CPEB3: variants seen among roughly 807,000 people sequenced by gnomAD.
CPEB3 encodes cytoplasmic polyadenylation element-binding protein 3.
A neutral mutation model predicts 67.2 loss-of-function variants in CPEB3; 20 were observed. The observed-to-expected ratio is 0.30, with a 90% CI of 0.21 to 0.43. CPEB3 has a LOEUF of 0.43. Among genes scored for constraint, CPEB3 ranks in the 20% least tolerant of loss-of-function variants. CPEB3 has a pLI of 1.00. For synonymous variants in CPEB3, 376 were observed against 393.1 expected (o/e 0.96, Z 0.51); for missense variants, 746 against 968.6 (o/e 0.77, Z 3.05).
chr10:92,132,837 C>G (rs1428643633), intron 6 of CPEB3, among the ~76,000 whole-genome samples: 1 of 152,164 alleles, frequency 6.6e-6, no homozygotes, highest in African/African-American at 2.4e-5. Flanking sequence ...ACAGTGCAAT[C>G]AAATTAGAAC....
chr10:92,106,414 G>A (rs1248558504), intron 7 of CPEB3, among the ~76,000 whole-genome samples: 1 of 152,080 alleles, frequency 6.6e-6, no homozygotes, highest in African/African-American at 2.4e-5. Context: ...TAGGGATGGA[G>A]ATAGCTACGA....
At chr10:92,279,631 T>C (rs543443011) in intron 1 of CPEB3, among the ~76,000 whole-genome samples, 17 of 152,172 alleles carry the variant, frequency 1.1e-4, no homozygotes, top group Non-Finnish European at 1.8e-4. Flanking sequence ...TTTGGGATAA[T>C]AGGAAACTTT....
chr10:92,208,590 T>G (rs1281690209), intron 2 of CPEB3, among the ~76,000 whole-genome samples: 1 of 150,134 alleles, frequency 6.7e-6, no homozygotes, highest in African/African-American at 2.5e-5. Context: ...GCCCTTTTTT[T>G]TTTTCTTTCT....
At chr10:92,111,730 G>T (rs1844752745) in intron 6 of CPEB3, among the ~76,000 whole-genome samples, 1 of 152,166 alleles carries the variant, frequency 6.6e-6, no homozygotes, top group Non-Finnish European at 1.5e-5. Context: ...TTCTAAAATT[G>T]ATTGTGCTGA....
intron 2 of CPEB3, among the ~76,000 whole-genome samples, chr10:92,233,916 G>A (rs1278893601): frequency 1.3e-5 from 2 of 151,966 alleles, no homozygotes; most frequent in Non-Finnish European, 2.9e-5. Context: ...GGACCAGCCT[G>A]GCCAACATAG....
intron 9 of CPEB3, among the ~76,000 whole-genome samples, chr10:92,059,997 A>C (rs1219373631): frequency 2.0e-5 from 3 of 152,088 alleles, no homozygotes; most frequent in Non-Finnish European, 4.4e-5. Context: ...AATGGAGGAT[A>C]AAAACCATAT....
At chr10:92,224,538 G>A (rs1257648413) in intron 2 of CPEB3, among the ~76,000 whole-genome samples, 1 of 151,496 alleles carries the variant, frequency 6.6e-6, no homozygotes, top group Non-Finnish European at 1.5e-5. Context: ...TTTCTTGCCT[G>A]TACACAACCT....
Position 92,052,196 on chromosome 10 carries a change from TG to T in CPEB3, c.*15del. 1 of 1,593,086 alleles carries T rather than the reference TG, an allele frequency of 6.3e-7. No homozygotes were observed. Among genetic ancestry groups the T allele is most frequent in the Non-Finnish European group, 8.6e-7 (1 of 1,162,402 alleles). On this transcript the variant is annotated 3_prime_UTR_variant, in exon 10 of 10. Transcript: ENST00000265997. ...TGTTATCTACTCCAGTACTTGTGGCTGGGTCGGCCCGTGGCTCAGCTCCAGC... is the reference window on the plus strand; with the variant it reads ...TGTTATCTACTCCAGTACTTGTGGCTGGTCGGCCCGTGGCTCAGCTCCAGC...
intron 7 of CPEB3, among the ~76,000 whole-genome samples, chr10:92,109,448 T>G (rs1461727087): frequency 6.6e-6 from 1 of 152,068 alleles, no homozygotes; most frequent in Non-Finnish European, 1.5e-5. Context: ...GAGAAGGGGT[T>G]TCACCGTGTT....
intron 1 of CPEB3, among the ~76,000 whole-genome samples, chr10:92,254,879 AT>A (rs1852455401): frequency 2.7e-5 from 4 of 146,494 alleles, no homozygotes; most frequent in Non-Finnish European, 4.5e-5. Context: ...TTTTATTTTT[AT>A]TTTTTTTTCT....
chr10:92,201,974 C>G lies in CPEB3; in HGVS notation c.1006-9338G>C, dbSNP rs576095329. On this transcript the variant is annotated intron_variant, in intron 2 of 9. Transcript: ENST00000265997. ...ATCGAGCAGAGGGCCTGGCATACAA[C>G]AGACATTCAGTAAATGCTTACCTCA... 7.0e-4 allele frequency among the ~76,000 whole-genome samples: 106 copies of G among 152,268 alleles called. 2 individuals carry two copies. The highest frequency in any genetic ancestry group is 8.5e-4 in the Admixed American group (13 of 15,290).
chr10:92,056,381 C>T (rs1032807872), intron 9 of CPEB3, among the ~76,000 whole-genome samples: 1 of 152,118 alleles, frequency 6.6e-6, no homozygotes, highest in Non-Finnish European at 1.5e-5. Context: ...CCATGCCCCA[C>T]AAGAACAGGA....
chr10:92,164,452 T>TGCAGTTGATC (rs1847641637), intron 4 of CPEB3, among the ~76,000 whole-genome samples: 1 of 152,208 alleles, frequency 6.6e-6, no homozygotes, highest in Non-Finnish European at 1.5e-5. Context: ...TGTGTGCTTT[T>TGCAGTTGATC]GCAGTTGATC....
intron 2 of CPEB3, among the ~76,000 whole-genome samples, chr10:92,230,092 G>A (rs1851197407): frequency 6.6e-6 from 1 of 151,818 alleles, no homozygotes; most frequent in South Asian, 2.1e-4. Flanking sequence ...TCACAAAAAT[G>A]TTAAATATAC....
At chr10:92,160,763 A>G (rs1375408339) in intron 4 of CPEB3, among the ~76,000 whole-genome samples, 1 of 152,230 alleles carries the variant, frequency 6.6e-6, no homozygotes, top group Admixed American at 6.5e-5. Context: ...TTGTTCACAC[A>G]AGTCTTCAAC....
intron 6 of CPEB3, among the ~76,000 whole-genome samples, chr10:92,129,769 T>G (rs1288634604): frequency 6.6e-6 from 1 of 152,162 alleles, no homozygotes; most frequent in East Asian, 1.9e-4. Flanking sequence ...CTGTTGCGCA[T>G]GGTAGCTCAC....
intron 3 of CPEB3, among the ~76,000 whole-genome samples, chr10:92,189,836 T>A (rs200200176): frequency 0.026 from 1 of 38 alleles, no homozygotes; most frequent in African/African-American, 0.5. Context: ...CCTCCAGTGA[T>A]TTTTTTTTTT....
chr10:92,216,548 A>C (rs1198587672), intron 2 of CPEB3: 1 of 1,612,394 alleles, frequency 6.2e-7, no homozygotes, highest in African/African-American at 1.3e-5. Flanking sequence ...ATTTGTCAAC[A>C]AAGGAGAAAA....
chr10:92,067,084 T>G (rs1449877123), intron 9 of CPEB3, among the ~76,000 whole-genome samples: 6 of 150,524 alleles, frequency 4.0e-5, no homozygotes, highest in Admixed American at 3.3e-4. Context: ...ATAAATAAAT[T>G]TATTTTTTTA....
Sources: allele counts gnomAD v4.1 joint callset (sites outside exome capture counted in the v4.1 genomes callset), GRCh38; gene constraint gnomAD v4.1.1; transcripts MANE v1.5; gene names NCBI Gene and HGNC (gene_info 2026-07-23, HGNC 2026-07-21).